CCDC186: variants seen among roughly 807,000 people sequenced by gnomAD.
The protein encoded by CCDC186 is coiled-coil domain containing 186.
In CCDC186, 49 loss-of-function variants were observed where a neutral mutation model predicts 113.7. The ratio of observed to expected loss-of-function variants is 0.43; its 90% CI spans 0.34 to 0.55. The LOEUF (loss-of-function observed/expected upper bound fraction) is 0.55, where lower values mean the gene tolerates loss of function less well. Among genes scored for constraint, CCDC186 ranks in the 20% least tolerant of loss-of-function variants. The pLI is 0.02. For synonymous variants in CCDC186, 355 were observed against 345.8 expected (o/e 1.03, Z -0.30); for missense variants, 890 against 1,011.1 (o/e 0.88, Z 1.62).
intron 2 of CCDC186, chr10:114,161,797 A>G (rs1020129729): frequency 5.3e-5 from 8 of 152,194 alleles, no homozygotes; most frequent in Non-Finnish European, 8.8e-5. Flanking sequence ...CCAGATGTCC[A>G]TTAATGGATG....
intron 1 of CCDC186, chr10:114,168,283 T>C (rs970845784): frequency 1.3e-5 from 2 of 152,168 alleles, no homozygotes; most frequent in Non-Finnish European, 2.9e-5. Context: ...AATTTTTTAC[T>C]TGCCTTAAAG....
intron 1 of CCDC186, among the ~76,000 whole-genome samples, chr10:114,171,745 C>T (rs568212326): frequency 2.6e-5 from 4 of 152,078 alleles, no homozygotes; most frequent in Non-Finnish European, 5.9e-5. Context: ...GTAGTAAGTG[C>T]GGTAGACATT....
In CCDC186 at chr10:114,162,952, G is replaced by A. The variant is rs750649931; in HGVS notation, c.317C>T (p.Ser106Leu). 1.2e-6 allele frequency: 2 copies of A among 1,612,960 alleles called. No homozygotes were observed. The highest frequency in any genetic ancestry group is 1.7e-6 in the Non-Finnish European group (2 of 1,179,710). The change falls in exon 2 of 16, where the codon TCA becomes TTA. Residue 106 changes from serine (S) to leucine (L), a missense_variant. By Grantham distance (145) the Ser-to-Leu change is moderately radical. Transcript: ENST00000369287. ...TTTCTGTTCTGTTTCATTTGTTTTTGAAATATGTTTAGCAAAATTTCCACT... is the reference window on the plus strand; with the variant it reads ...TTTCTGTTCTGTTTCATTTGTTTTTAAAATATGTTTAGCAAAATTTCCACT... ...FPSGNFAKHI[S>L]KTNETEQKVT...
intron 3 of CCDC186, among the ~76,000 whole-genome samples, chr10:114,153,568 T>C (rs1038523922): frequency 3.3e-5 from 5 of 151,850 alleles, no homozygotes; most frequent in South Asian, 2.1e-4. Context: ...GGAGGCTCAC[T>C]TGAGGTCAGG....
chr10:114,136,077 A>G (rs1478047269), intron 8 of CCDC186, 71 bp downstream of exon 8: 87 of 1,507,948 alleles, frequency 5.8e-5, no homozygotes, highest in Non-Finnish European at 7.4e-5. Flanking sequence ...GTAGATAGCA[A>G]TAAGTTCTCA....
intron 6 of CCDC186, among the ~76,000 whole-genome samples, chr10:114,141,419 C>A (rs1379758178): frequency 1.3e-5 from 2 of 152,292 alleles, no homozygotes; most frequent in African/African-American, 4.8e-5. Flanking sequence ...TTTGTTAAGG[C>A]AGATTTATAA....
intron 2 of CCDC186, among the ~76,000 whole-genome samples, chr10:114,161,010 G>C (rs1230439817): frequency 6.6e-6 from 1 of 152,208 alleles, no homozygotes; most frequent in African/African-American, 2.4e-5. Flanking sequence ...CAAGACAACA[G>C]AGCTGGCAAA....
intron 3 of CCDC186, among the ~76,000 whole-genome samples, chr10:114,157,223 A>C: frequency 1.5e-5 from 2 of 134,042 alleles, no homozygotes; most frequent in Non-Finnish European, 1.5e-5. Context: ...TCACTCTCTC[A>C]CCCAGGCTGG....
chr10:114,171,771 T>C (rs2032501214), intron 1 of CCDC186, among the ~76,000 whole-genome samples: 1 of 152,132 alleles, frequency 6.6e-6, no homozygotes, highest in Non-Finnish European at 1.5e-5. Context: ...GTCTACATAA[T>C]CCCACAATTA....
intron 1 of CCDC186, chr10:114,173,293 G>C (rs1361897958): frequency 2.2e-6 from 1 of 447,700 alleles, no homozygotes; most frequent in Non-Finnish European, 4.5e-6. Flanking sequence ...GGGAATATTA[G>C]GTGAAGTTGT....
Position 114,140,717 on chromosome 10 carries a change from T to C in CCDC186, c.1222-3427A>G, listed in dbSNP as rs538118888. On this transcript the variant is annotated intron_variant, in intron 6 of 15. Coordinates refer to ENST00000369287, the MANE Select transcript of CCDC186 (RefSeq NM_018017.4). ...CTGCAGTTTTTAATCTGCTATTAAT[T>C]CCATCCAATGTATTTTTCAGTTCAG... Among the ~76,000 whole-genome samples the C allele has an allele frequency of 4.6e-5, 7 of 152,268 alleles. No homozygotes were observed. In the South Asian group the frequency reaches 1.5e-3, roughly 32 times the overall value.
intron 4 of CCDC186, among the ~76,000 whole-genome samples, chr10:114,150,310 C>G (rs1589622309): frequency 1.3e-5 from 2 of 152,126 alleles, no homozygotes; most frequent in African/African-American, 4.8e-5. Flanking sequence ...AAAAGCACTG[C>G]TTAAAATTAC....
chr10:114,150,973 A>G (rs1477801069), intron 4 of CCDC186, 119 bp downstream of exon 4: 1 of 1,186,884 alleles, frequency 8.4e-7, no homozygotes, highest in African/African-American at 1.6e-5. Context: ...TTTATATAAA[A>G]GAATCACCTA....
At position 114,131,192 on chromosome 10, in the gene CCDC186, T is replaced by G. The variant is rs1339500464; in HGVS notation, c.2056A>C (p.Lys686Gln). The change falls in exon 12 of 16, where the codon AAA becomes CAA. Residue 686 changes from lysine (K) to glutamine (Q), a missense_variant. By Grantham distance (53) the Lys-to-Gln change is moderately conservative. Transcript: ENST00000369287. The part of the protein sequence containing the change: ...LKDELVTQRR[K>Q]HASSIKDLTK... ...AGATCCTTGATACTAGAGGCATGTT[T>G]ACGTCTCTGAGTTACTAACTCATCT... 2.5e-6 allele frequency: 4 copies of G among 1,591,316 alleles called. No individual in the cohort carries two copies. The highest frequency in any genetic ancestry group is 3.4e-6 in the Non-Finnish European group (4 of 1,170,594).
chr10:114,165,968 ATT>A, intron 1 of CCDC186: 3 of 877,674 alleles, frequency 3.4e-6, no homozygotes, highest in Non-Finnish European at 4.1e-6. Flanking sequence ...TTGTGACTTC[ATT>A]TTTTTTTTAA....
chr10:114,131,093 A>G, intron 12 of CCDC186, 54 bp downstream of exon 12: 1 of 1,317,790 alleles, frequency 7.6e-7, no homozygotes, highest in Non-Finnish European at 1.0e-6. Context: ...ATAAAATCCT[A>G]ATGATTAAAA....
chr10:114,142,858 A>C (rs1318713284), intron 6 of CCDC186, among the ~76,000 whole-genome samples: 1 of 152,204 alleles, frequency 6.6e-6, no homozygotes, highest in African/African-American at 2.4e-5. Flanking sequence ...ACATCTCAAG[A>C]GGTAGACTAT....
chr10:114,149,534 AAAGGGAAGGG>A (rs1357336330), intron 4 of CCDC186, among the ~76,000 whole-genome samples: 1 of 125,936 alleles, frequency 7.9e-6, no homozygotes. Flanking sequence ...GGAAGGAAGG[AAAGGGAAGGG>A]AAGGGAAGGG....
intron 1 of CCDC186, among the ~76,000 whole-genome samples, chr10:114,164,065 A>AGAGTGTGTGTGT (rs1554930659): frequency 9.3e-6 from 1 of 107,032 alleles, no homozygotes; most frequent in Non-Finnish European, 1.8e-5. Context: ...ACCAAGTTAG[A>AGAGTGTGTGTGT]GTGTGTGTGT....
Sources: gnomAD v4.1 joint callset for allele counts (sites outside exome capture counted in the v4.1 genomes callset) on GRCh38, gnomAD v4.1.1 for gene constraint, MANE v1.5 for transcripts, NCBI Gene and HGNC (gene_info 2026-07-23, HGNC 2026-07-21) for gene names.